LRRC4C: variants seen among roughly 807,000 people sequenced by gnomAD.
The protein encoded by LRRC4C is leucine rich repeat containing 4C.
Under a neutral mutation model 33.6 loss-of-function variants are expected in LRRC4C, and 5 were observed. That is an observed-to-expected ratio of 0.15 (90% CI 0.08 to 0.31). The LOEUF is 0.31. Ranked by LOEUF, LRRC4C falls within the 10% of genes least tolerant of loss-of-function variation. The probability of loss-of-function intolerance (pLI) is 1.00; values close to 1 mark genes in which losing one functional copy is unlikely to be tolerated. For synonymous variants in LRRC4C, 329 were observed against 302.0 expected (o/e 1.09, Z -0.93); for missense variants, 560 against 796.7 (o/e 0.70, Z 3.58).
In LRRC4C at chr11:41,305,551, C is replaced by T. The variant is rs1036141171; in HGVS notation, c.-496+153880G>A. On this transcript the variant is annotated intron_variant, in intron 1 of 6. Coordinates refer to ENST00000528697, the MANE Select transcript of LRRC4C (RefSeq NM_001258419.2). The stretch of plus-strand genomic sequence containing the variant: ...GACATGGGAGACTTTTCATTTTGTT[C>T]TGCACTAAGAAAAATTCCTCTGCCT... Among the ~76,000 whole-genome samples, 12 of 53,774 alleles carry T rather than the reference C, an allele frequency of 2.2e-4. 1 individual carries two copies. The highest frequency in any genetic ancestry group is 1.3e-3 in the Admixed American group (5 of 3,910). The allele number at this position is 53,774 out of a possible 152,430, so 35.3% of individuals were successfully genotyped here. A position where few individuals can be genotyped will look rare whatever the true frequency, so the allele number is the denominator to read the frequency against.
intron 3 of LRRC4C, among the ~76,000 whole-genome samples, chr11:40,496,742 ATG>A: frequency 6.6e-6 from 1 of 152,236 alleles, no homozygotes; most frequent in East Asian, 1.9e-4. Flanking sequence ...CTCTGAAACC[ATG>A]TGTTTAGATG....
At chr11:40,277,287 A>G (rs1176775215) in intron 4 of LRRC4C, among the ~76,000 whole-genome samples, 1 of 152,056 alleles carries the variant, frequency 6.6e-6, no homozygotes, top group African/African-American at 2.4e-5. Flanking sequence ...CTCCTTAAAG[A>G]CCCCTGTGGT....
intron 2 of LRRC4C, among the ~76,000 whole-genome samples, chr11:40,733,306 ACCT>A (rs533186735): frequency 1.8e-3 from 268 of 151,760 alleles, no homozygotes; most frequent in Admixed American, 3.5e-3. Context: ...TGATCTCCTG[ACCT>A]CCTGATCCGC....
At chr11:41,109,370 A>C (rs915278831) in intron 1 of LRRC4C, among the ~76,000 whole-genome samples, 5 of 152,064 alleles carry the variant, frequency 3.3e-5, no homozygotes, top group African/African-American at 1.2e-4. Context: ...AGTTGATATA[A>C]TTATGAATTT....
intron 1 of LRRC4C, among the ~76,000 whole-genome samples, chr11:41,163,813 T>C (rs1224210876): frequency 3.3e-5 from 5 of 152,086 alleles, no homozygotes; most frequent in Non-Finnish European, 7.4e-5. Context: ...GGTTTCACCA[T>C]GTTGGCCAGG....
chr11:40,994,777 T>C (rs1263792911), intron 1 of LRRC4C, among the ~76,000 whole-genome samples: 2 of 150,328 alleles, frequency 1.3e-5, no homozygotes, highest in East Asian at 3.9e-4. Flanking sequence ...GCCGGTTTTT[T>C]CTTTACTGTC....
intron 2 of LRRC4C, among the ~76,000 whole-genome samples, chr11:40,932,720 CT>C (rs34793326): frequency 2.0e-5 from 3 of 152,048 alleles, no homozygotes; most frequent in Non-Finnish European, 4.4e-5. Flanking sequence ...ATAGCCTCAT[CT>C]TTTTTTAAAA....
At chr11:40,461,372 T>C (rs1952388535) in intron 3 of LRRC4C, among the ~76,000 whole-genome samples, 1 of 152,088 alleles carries the variant, frequency 6.6e-6, no homozygotes, top group East Asian at 1.9e-4. Context: ...AGCTCTTCTA[T>C]TTACTAGCTG....
chr11:40,916,006 C>T (rs998594358), intron 2 of LRRC4C, among the ~76,000 whole-genome samples: 2 of 152,180 alleles, frequency 1.3e-5, no homozygotes, highest in African/African-American at 4.8e-5. Context: ...GATACCAGCT[C>T]ATACCAGTTA....
intron 2 of LRRC4C, among the ~76,000 whole-genome samples, chr11:40,826,541 C>CT (rs971569939): frequency 7.2e-5 from 11 of 151,904 alleles, no homozygotes; most frequent in East Asian, 3.9e-4. Flanking sequence ...AAACGCACGT[C>CT]TTTTGCTTTG....
intron 1 of LRRC4C, among the ~76,000 whole-genome samples, chr11:41,451,035 A>G (rs1361283767): frequency 6.6e-6 from 1 of 152,106 alleles, no homozygotes; most frequent in Non-Finnish European, 1.5e-5. Flanking sequence ...CTCCTCTGTC[A>G]ATATAATGTC....
intron 2 of LRRC4C, among the ~76,000 whole-genome samples, chr11:40,772,794 T>C (rs764262615): frequency 3.9e-5 from 6 of 151,940 alleles, no homozygotes; most frequent in Non-Finnish European, 8.8e-5. Flanking sequence ...CAGTATGGAG[T>C]GTCCTCAAAA....
chr11:41,215,822 T>C (rs1245791169), intron 1 of LRRC4C, among the ~76,000 whole-genome samples: 1 of 152,236 alleles, frequency 6.6e-6, no homozygotes, highest in Non-Finnish European at 1.5e-5. Context: ...TAAACATTTA[T>C]GTATAAGTTT....
chr11:40,996,947 T>C (rs1035947345), intron 1 of LRRC4C, among the ~76,000 whole-genome samples: 1 of 152,086 alleles, frequency 6.6e-6, no homozygotes, highest in Admixed American at 6.6e-5. Flanking sequence ...GAGATCAAAC[T>C]TTTTTTCAAC....
chr11:41,174,923 C>T (rs1285666417), intron 1 of LRRC4C, among the ~76,000 whole-genome samples: 2 of 151,826 alleles, frequency 1.3e-5, no homozygotes, highest in East Asian at 1.9e-4. Flanking sequence ...TATATCCTGC[C>T]GATTTCATGC....
chr11:41,085,057 T>C (rs548488936), intron 1 of LRRC4C, among the ~76,000 whole-genome samples: 2 of 152,344 alleles, frequency 1.3e-5, no homozygotes, highest in South Asian at 2.1e-4. Flanking sequence ...TATTTGCATG[T>C]ATAACTCCTC....
chr11:41,384,686 T>G (rs1953287671), intron 1 of LRRC4C, among the ~76,000 whole-genome samples: 1 of 151,220 alleles, frequency 6.6e-6, no homozygotes, highest in African/African-American at 2.4e-5. Context: ...TATGTAATGT[T>G]TGTTGAGTAA....
intron 1 of LRRC4C, among the ~76,000 whole-genome samples, chr11:41,220,995 C>A (rs1230401535): frequency 6.6e-6 from 1 of 152,076 alleles, no homozygotes; most frequent in East Asian, 1.9e-4. Flanking sequence ...ATTTACTTAA[C>A]TTTTATTTTA....
chr11:40,940,217 T>C (rs1318650762), intron 1 of LRRC4C, among the ~76,000 whole-genome samples: 2 of 152,144 alleles, frequency 1.3e-5, no homozygotes, highest in Non-Finnish European at 2.9e-5. Context: ...CTAATGGGCT[T>C]GTTGTGAGAA....
Sources: gnomAD v4.1 joint callset for allele counts (sites outside exome capture counted in the v4.1 genomes callset) on GRCh38, gnomAD v4.1.1 for gene constraint, MANE v1.5 for transcripts, NCBI Gene and HGNC (gene_info 2026-07-23, HGNC 2026-07-21) for gene names.